DAB1: variants seen among roughly 807,000 people sequenced by gnomAD.
The protein encoded by DAB1 is disabled homolog 1.
DAB1 carries 15 observed loss-of-function variants against 64.6 expected under a neutral mutation model. The ratio of observed to expected loss-of-function variants is 0.23; its 90% confidence interval spans 0.16 to 0.36. The LOEUF (loss-of-function observed/expected upper bound fraction) is 0.36. DAB1 is among the 10% of genes least tolerant of loss of function. The probability of loss-of-function intolerance (pLI) is 1.00; values close to 1 mark genes in which losing one functional copy is unlikely to be tolerated. For synonymous variants in DAB1, 235 were observed against 251.9 expected (o/e 0.93, Z 0.64); for missense variants, 596 against 706.7 (o/e 0.84, Z 1.78).
At chr1:57,543,515 T>A (rs370596064) in intron 7 of DAB1, among the ~76,000 whole-genome samples, 3 of 151,832 alleles carry the variant, frequency 2.0e-5, no homozygotes, top group African/African-American at 7.3e-5. Context: ...CTGCCCTCAT[T>A]TTTTTATTAG....
At chr1:57,602,399 A>C (rs2101586985) in intron 7 of DAB1, among the ~76,000 whole-genome samples, 1 of 152,308 alleles carries the variant, frequency 6.6e-6, no homozygotes, top group African/African-American at 2.4e-5. Flanking sequence ...ATTTCAGCCC[A>C]GATCCTCTGG....
intron 6 of DAB1, among the ~76,000 whole-genome samples, chr1:57,684,375 G>A (rs560407493): frequency 8.1e-4 from 124 of 152,200 alleles, no homozygotes; most frequent in African/African-American, 2.7e-3. Flanking sequence ...GGCAGCTAGA[G>A]AGAAGGGTCA....
At position 57,757,220 on chromosome 1, in the gene DAB1, T is replaced by TTTTTTTTTTG. The variant is rs200688727; in HGVS notation, n.552-107556_552-107555insCAAAAAAAAA. Among the ~76,000 whole-genome samples, 988 of 119,920 alleles carry TTTTTTTTTTG rather than the reference T, an allele frequency of 8.2e-3. 71 individuals are homozygous for TTTTTTTTTTG. Among genetic ancestry groups the TTTTTTTTTTG allele is most frequent in the African/African-American group, 0.021 (762 of 36,100 alleles). 78.7% of individuals were successfully genotyped at this position (119,920 alleles called of 152,430 possible). A position where few individuals can be genotyped will look rare whatever the true frequency, so the allele number is the denominator to read the frequency against. On this transcript the variant is annotated intron_variant and non_coding_transcript_variant, in intron 6 of 20. Transcript: ENST00000485760. ...AGAATTTTTTTTTTTTTTTTTTTTT[T>TTTTTTTTTTG]AGCAGCAATGATGGAGGCTAACAGC...
intron 7 of DAB1, among the ~76,000 whole-genome samples, chr1:57,439,241 A>T (rs542478824): frequency 4.6e-5 from 7 of 152,188 alleles, no homozygotes; most frequent in African/African-American, 1.7e-4. Flanking sequence ...CCCCAAGGAG[A>T]TCAACACAGA....
At chr1:58,156,636 G>T (rs886101427) in intron 4 of DAB1, among the ~76,000 whole-genome samples, 2 of 152,154 alleles carry the variant, frequency 1.3e-5, no homozygotes, top group African/African-American at 4.8e-5. Flanking sequence ...AGAGGTCAAG[G>T]AAGCTTTTTT....
At chr1:57,644,701 C>A (rs897724683) in intron 7 of DAB1, among the ~76,000 whole-genome samples, 2 of 151,150 alleles carry the variant, frequency 1.3e-5, no homozygotes, top group African/African-American at 4.9e-5. Flanking sequence ...ACTATATATG[C>A]ATTATTTATT....
chr1:58,438,094 GC>G (rs1389382840), intron 3 of DAB1, among the ~76,000 whole-genome samples: 2 of 152,122 alleles, frequency 1.3e-5, no homozygotes, highest in African/African-American at 4.8e-5. Context: ...TCTCCCTGAG[GC>G]CCCGGTGGCT....
At chr1:58,124,779 T>TAA (rs1652963580) in intron 5 of DAB1, among the ~76,000 whole-genome samples, 1 of 152,198 alleles carries the variant, frequency 6.6e-6, no homozygotes, top group African/African-American at 2.4e-5. Flanking sequence ...TCCTTATATA[T>TAA]AAAACAAGAA....
At chr1:58,340,385 C>T (rs531257427) in intron 4 of DAB1, among the ~76,000 whole-genome samples, 53 of 152,250 alleles carry the variant, frequency 3.5e-4, no homozygotes, top group Non-Finnish European at 6.2e-4. Context: ...AACAAAGAAG[C>T]CTTCAACTGA....
intron 4 of DAB1, among the ~76,000 whole-genome samples, chr1:57,129,820 A>G (rs1368898710): frequency 2.0e-5 from 3 of 152,092 alleles, no homozygotes; most frequent in Non-Finnish European, 4.4e-5. Context: ...CATCTTTGGT[A>G]TATAGCATCT....
intron 1 of DAB1, among the ~76,000 whole-genome samples, chr1:57,364,392 T>A (rs1345633902): frequency 6.6e-6 from 1 of 152,128 alleles, no homozygotes; most frequent in Non-Finnish European, 1.5e-5. Flanking sequence ...AGATGAGCCA[T>A]ACTGGAACAA....
In DAB1 at chr1:58,124,194, A is replaced by T. The variant is rs190214567; in HGVS notation, n.387+26317T>A. On this transcript the variant is annotated intron_variant and non_coding_transcript_variant, in intron 5 of 20. Coordinates refer to the DAB1 transcript ENST00000485760. Reference sequence around the variant, plus strand: ...CAGATTATATATATATTCTTAGATTATATATATATATATACACACACACAT... The same window carrying T: ...CAGATTATATATATATTCTTAGATTTTATATATATATATACACACACACAT... Among the ~76,000 whole-genome samples, 496 of 148,622 alleles carry T rather than the reference A, an allele frequency of 3.3e-3. 3 individuals carry two copies. The highest frequency in any genetic ancestry group is 0.012 in the African/African-American group (479 of 40,220).
intron 4 of DAB1, among the ~76,000 whole-genome samples, chr1:58,168,875 C>CT (rs1302309182): frequency 1.3e-5 from 2 of 152,156 alleles, no homozygotes; most frequent in Non-Finnish European, 2.9e-5. Flanking sequence ...GCTTAGGACT[C>CT]TAACAGGTTT....
At position 57,048,888 on chromosome 1, in the gene DAB1, G is replaced by A. The variant is rs143771974; in HGVS notation, c.723+13996C>T. Among the ~76,000 whole-genome samples, 651 of 152,292 alleles carry A rather than the reference G, an allele frequency of 4.3e-3. 4 individuals are homozygous for A. Among genetic ancestry groups the A allele is most frequent in the African/African-American group, 0.015 (604 of 41,560 alleles). On this transcript the variant is annotated intron_variant, in intron 9 of 14. Coordinates refer to ENST00000371236, the MANE Select transcript of DAB1 (RefSeq NM_001365792.1). ...CATGCTTTCTTTACAACACACAACTGAGCAAACAAGACAGCAGGCAACTGC... is the reference window on the plus strand; with the variant it reads ...CATGCTTTCTTTACAACACACAACTAAGCAAACAAGACAGCAGGCAACTGC...
chr1:57,339,475 T>C lies in DAB1; in HGVS notation c.-136-48309A>G, dbSNP rs905846777. Among the ~76,000 whole-genome samples the C allele has an allele frequency of 3.2e-4, 49 of 152,228 alleles. 1 individual carries two copies. The highest frequency in any genetic ancestry group is 1.9e-4 in the East Asian group (1 of 5,190). On this transcript the variant is annotated intron_variant, in intron 1 of 14. Coordinates refer to ENST00000371236, the MANE Select transcript of DAB1 (RefSeq NM_001365792.1). Reference sequence around the variant, plus strand: ...TGGCCGGCTTCTTTCTTTAAACGTTTAATACATTGTTTTCAAAGCCTTTAA... The same window carrying C: ...TGGCCGGCTTCTTTCTTTAAACGTTCAATACATTGTTTTCAAAGCCTTTAA...
chr1:57,378,893 C>G (rs951894437), intron 1 of DAB1, among the ~76,000 whole-genome samples: 2 of 152,168 alleles, frequency 1.3e-5, no homozygotes, highest in Non-Finnish European at 2.9e-5. Context: ...AAAACTGTTG[C>G]TACTCCAAAC....
chr1:58,517,902 T>G (rs1221076443), intron 2 of DAB1, among the ~76,000 whole-genome samples: 1 of 151,594 alleles, frequency 6.6e-6, no homozygotes, highest in Non-Finnish European at 1.5e-5. Flanking sequence ...AAAGTGAGTA[T>G]CAGGCCGGGC....
intron 7 of DAB1, among the ~76,000 whole-genome samples, chr1:57,551,189 T>C (rs548708373): frequency 4.5e-4 from 69 of 152,346 alleles, no homozygotes; most frequent in African/African-American, 1.6e-3. Context: ...CCACGGGCAC[T>C]GTGGAATGAA....
chr1:57,916,518 T>G (rs1644728990), intron 5 of DAB1, among the ~76,000 whole-genome samples: 1 of 152,206 alleles, frequency 6.6e-6, no homozygotes. Context: ...ATGGTTGGAG[T>G]GCTCACTACA....
Sources: gnomAD v4.1 joint callset for allele counts (sites outside exome capture counted in the v4.1 genomes callset) on GRCh38, gnomAD v4.1.1 for gene constraint, MANE v1.5 for transcripts, NCBI Gene and HGNC (gene_info 2026-07-23, HGNC 2026-07-21) for gene names.